AOAH: variants seen among roughly 807,000 people sequenced by gnomAD.
AOAH encodes the protein acyloxyacyl hydrolase, also known as acyloxyacyl hydrolase (neutrophil).
Under a neutral mutation model 92.2 loss-of-function variants are expected in AOAH, and 64 were observed. That is an observed-to-expected ratio of 0.69 (90% CI 0.57 to 0.86). The LOEUF is 0.86. Ranked by LOEUF, AOAH falls within the 40% of genes least tolerant of loss-of-function variation. The pLI is 0.00. For missense variants in AOAH, 656 were observed against 694.6 expected, an observed-to-expected ratio of 0.94 and a Z score of 0.62; for synonymous variants, 263 against 254.5, an observed-to-expected ratio of 1.03 and a Z score of -0.32.
At chr7:36,598,748 T>C (rs1203554262) in intron 11 of AOAH, among the ~76,000 whole-genome samples, 1 of 152,222 alleles carries the variant, frequency 6.6e-6, no homozygotes, top group East Asian at 1.9e-4. Flanking sequence ...GTAGTGGCTA[T>C]TAATAGCAAA....
At chr7:36,643,843 T>C (rs1324871281) in intron 4 of AOAH, among the ~76,000 whole-genome samples, 1 of 152,076 alleles carries the variant, frequency 6.6e-6, no homozygotes, top group African/African-American at 2.4e-5. Context: ...CTCTTCCTCC[T>C]GCTCTTGCCA....
At chr7:36,639,288 A>G (rs993780573) in intron 4 of AOAH, among the ~76,000 whole-genome samples, 4 of 152,164 alleles carry the variant, frequency 2.6e-5, no homozygotes, top group Non-Finnish European at 5.9e-5. Context: ...CATGCAAACT[A>G]TTCTTATGGT....
intron 4 of AOAH, among the ~76,000 whole-genome samples, chr7:36,652,245 T>C (rs539866526): frequency 1.3e-5 from 2 of 152,104 alleles, no homozygotes; most frequent in African/African-American, 4.8e-5. Context: ...GGAGCCACCC[T>C]AAGCTTCCAA....
At chr7:36,541,147 A>C (rs1207882617) in intron 15 of AOAH, among the ~76,000 whole-genome samples, 1 of 152,110 alleles carries the variant, frequency 6.6e-6, no homozygotes, top group Admixed American at 6.5e-5. Context: ...TTATCCTTCC[A>C]TTTCTACACT....
intron 1 of AOAH, 43 bp from the exon 2 acceptor site, chr7:36,686,837 A>T: frequency 1.5e-6 from 2 of 1,338,956 alleles, no homozygotes; most frequent in Non-Finnish European, 2.0e-6. Context: ...TCACACAGAA[A>T]ACTGAACTGG....
intron 2 of AOAH, among the ~76,000 whole-genome samples, chr7:36,676,142 A>G (rs1014680417): frequency 1.3e-5 from 2 of 152,232 alleles, no homozygotes; most frequent in Non-Finnish European, 2.9e-5. Flanking sequence ...AAAGAAATAA[A>G]AAGCATTCAG....
intron 6 of AOAH, among the ~76,000 whole-genome samples, chr7:36,630,509 G>A (rs892058443): frequency 1.3e-5 from 2 of 152,218 alleles, no homozygotes; most frequent in African/African-American, 4.8e-5. Flanking sequence ...TCTTGCACCT[G>A]TACTAGAAGG....
At chr7:36,559,374 A>G (rs1583819063) in intron 13 of AOAH, among the ~76,000 whole-genome samples, 4 of 152,126 alleles carry the variant, frequency 2.6e-5, no homozygotes, top group Admixed American at 2.0e-4. Context: ...GTAGCGTATA[A>G]CCATTCCTTT....
intron 13 of AOAH, among the ~76,000 whole-genome samples, chr7:36,574,675 T>G (rs973607310): frequency 2.0e-5 from 3 of 152,200 alleles, no homozygotes; most frequent in Non-Finnish European, 2.9e-5. Flanking sequence ...TATGGAACCT[T>G]GGACAAGCCC....
chr7:36,689,543 T>C (rs77672936), intron 1 of AOAH, among the ~76,000 whole-genome samples: 3,276 of 152,112 alleles, frequency 0.022, 47 homozygotes, highest in Non-Finnish European at 0.033. Flanking sequence ...GATGGGCCCC[T>C]GGTGAATAGA....
chr7:36,662,968 G>A (rs1018117372), intron 3 of AOAH, among the ~76,000 whole-genome samples: 1 of 152,198 alleles, frequency 6.6e-6, no homozygotes, highest in South Asian at 2.1e-4. Flanking sequence ...ACTAGAATGT[G>A]CAAGATGCAT....
At chr7:36,654,863 C>T (rs1397512418) in intron 4 of AOAH, among the ~76,000 whole-genome samples, 1 of 152,202 alleles carries the variant, frequency 6.6e-6, no homozygotes, top group Non-Finnish European at 1.5e-5. Context: ...GATAAATCCT[C>T]TTGTATTCCT....
intron 4 of AOAH, among the ~76,000 whole-genome samples, chr7:36,656,384 G>T (rs939054038): frequency 5.3e-5 from 8 of 152,194 alleles, no homozygotes; most frequent in Non-Finnish European, 7.4e-5. Flanking sequence ...GGGGACTATT[G>T]ACTAGGAGAG....
At chr7:36,638,973 TGTGATCCGTCAACTA>T (rs1424804597) in intron 4 of AOAH, among the ~76,000 whole-genome samples, 1 of 152,186 alleles carries the variant, frequency 6.6e-6, no homozygotes, top group African/African-American at 2.4e-5. Context: ...CAGGCCTCCT[TGTGATCCGTCAACTA>T]TGGGGCCACT....
At chr7:36,551,389 C>T (rs1030951363) in intron 13 of AOAH, among the ~76,000 whole-genome samples, 1 of 152,082 alleles carries the variant, frequency 6.6e-6, no homozygotes, top group African/African-American at 2.4e-5. Context: ...ATCTTTCCAT[C>T]CCTTTTGAGT....
At chr7:36,567,666 C>T (rs555883556) in intron 13 of AOAH, among the ~76,000 whole-genome samples, 70 of 152,294 alleles carry the variant, frequency 4.6e-4, no homozygotes, top group African/African-American at 1.6e-3. Context: ...ATATGATTAA[C>T]CGTCTAGGGC....
chr7:36,688,195 T>C (rs1429434450), intron 1 of AOAH, among the ~76,000 whole-genome samples: 1 of 152,248 alleles, frequency 6.6e-6, no homozygotes, highest in Non-Finnish European at 1.5e-5. Flanking sequence ...AGCTGACGCT[T>C]ATCAGCACTT....
At chr7:36,576,966 T>G (rs776221529) in intron 12 of AOAH, among the ~76,000 whole-genome samples, 1 of 152,130 alleles carries the variant, frequency 6.6e-6, no homozygotes, top group Non-Finnish European at 1.5e-5. Context: ...TGTACATTTC[T>G]TGAGCAATTG....
chr7:36,565,042 C>A (rs574917231), intron 13 of AOAH, among the ~76,000 whole-genome samples: 1 of 152,302 alleles, frequency 6.6e-6, no homozygotes, highest in African/African-American at 2.4e-5. Context: ...TGAATTCTTT[C>A]TCTTTTAAAA....
Sources: gnomAD v4.1 joint callset for allele counts (sites outside exome capture counted in the v4.1 genomes callset) on GRCh38, gnomAD v4.1.1 for gene constraint, MANE v1.5 for transcripts, NCBI Gene and HGNC (gene_info 2026-07-23, HGNC 2026-07-21) for gene names.